The following NBEAL1 variants were observed in gnomAD, a reference collection of about 807,000 sequenced individuals.
The protein encoded by NBEAL1 is neurobeachin-like protein 1.
NBEAL1 carries 273 observed loss-of-function variants against 351.3 expected under a neutral mutation model. That is an observed-to-expected ratio of 0.78 (90% CI 0.70 to 0.86). NBEAL1 has a LOEUF of 0.86. Ranked by LOEUF, NBEAL1 falls within the 40% of genes least tolerant of loss-of-function variation. The probability of loss-of-function intolerance (pLI) is 0.00; values close to 1 mark genes in which losing one functional copy is unlikely to be tolerated. For synonymous variants in NBEAL1, 1,050 were observed against 1,086.4 expected (o/e 0.97, Z 0.66); for missense variants, 2,961 against 3,201.3 (o/e 0.92, Z 1.81).
intron 31 of NBEAL1, among the ~76,000 whole-genome samples, chr2:203,141,928 A>G (rs2063392391): frequency 6.6e-6 from 1 of 152,172 alleles, no homozygotes; most frequent in South Asian, 2.1e-4. Flanking sequence ...CATAAAAACT[A>G]AGATTTCCCA....
At chr2:203,086,630 G>T (rs993903061) in intron 10 of NBEAL1, among the ~76,000 whole-genome samples, 1 of 152,166 alleles carries the variant, frequency 6.6e-6, no homozygotes, top group African/African-American at 2.4e-5. Flanking sequence ...TGCCTCCTGG[G>T]TTCAAGCGAT....
intron 35 of NBEAL1, among the ~76,000 whole-genome samples, chr2:203,152,520 G>A (rs2063685280): frequency 6.6e-6 from 1 of 151,322 alleles, no homozygotes; most frequent in South Asian, 2.1e-4. Flanking sequence ...AACCCGGGAG[G>A]CGGAGGTTGC....
At chr2:203,021,216 A>T (rs910134204) in intron 2 of NBEAL1, among the ~76,000 whole-genome samples, 1 of 151,824 alleles carries the variant, frequency 6.6e-6, no homozygotes, top group Non-Finnish European at 1.5e-5. Flanking sequence ...TCCTGACCTC[A>T]GGCGATCCAC....
chr2:203,151,712 G>A, intron 35 of NBEAL1, 123 bp downstream of exon 35: 1 of 890,288 alleles, frequency 1.1e-6, no homozygotes, highest in Non-Finnish European at 1.5e-6. Flanking sequence ...TTTTATAATT[G>A]ATATTTAAGT....
At position 203,084,502 on chromosome 2, in the gene NBEAL1, T is replaced by C. The variant is rs951956330; in HGVS notation, c.1031T>C (p.Val344Ala). 1 of 1,544,606 alleles carries C rather than the reference T, an allele frequency of 6.5e-7. No individual in the cohort carries two copies. The highest frequency in any genetic ancestry group is 2.4e-5 in the East Asian group (1 of 41,338). Residue 344 changes from valine (V) to alanine (A), a missense_variant, in exon 10 of 56, where the codon GTT becomes GCT. Val to Ala is a moderately conservative substitution (Grantham distance 64). Transcript: ENST00000683969. ...ATGTTAGATTGTACAGATAGACCTG[T>C]TCTTCAGGCCATTTTTCTTAACAGC... is the stretch of plus-strand genomic sequence containing the variant. Reference protein sequence around the residue: ...TAMLDCTDRPVLQAIFLNSNC... With the variant: ...TAMLDCTDRPALQAIFLNSNC...
rs1338054698 is a variant in NBEAL1 at position 203,110,184 on chromosome 2, T to C, written c.1984T>C (p.Phe662Leu). 1 of 1,553,218 alleles carries C rather than the reference T, an allele frequency of 6.4e-7. No individual in the cohort carries two copies. Among genetic ancestry groups the C allele is most frequent in the Non-Finnish European group, 8.7e-7 (1 of 1,147,330 alleles). Residue 662 changes from phenylalanine (F) to leucine (L), a missense_variant, in exon 15 of 56, where the codon TTT becomes CTT. Physicochemically the swap from Phe to Leu is conservative, Grantham distance 22 (BLOSUM62 0). Coordinates refer to ENST00000683969, the MANE Select transcript of NBEAL1 (RefSeq NM_001378026.1). The stretch of plus-strand genomic sequence containing the variant: ...AGGAAGTGGCATGGGTTTTGAAGCC[T>C]TTATTACCCATTCAGGTATGTTGGT... ...FTGSGMGFEA[F>L]ITHSGMLVVA...
intron 36 of NBEAL1, among the ~76,000 whole-genome samples, chr2:203,160,488 T>A (rs2063920240): frequency 6.6e-6 from 1 of 152,192 alleles, no homozygotes. Context: ...AGTTTCCTTT[T>A]GTTCTTTTGA....
intron 44 of NBEAL1, among the ~76,000 whole-genome samples, chr2:203,184,987 T>A (rs1315480087): frequency 6.6e-6 from 1 of 152,080 alleles, no homozygotes; most frequent in Non-Finnish European, 1.5e-5. Flanking sequence ...GGACCAGAGA[T>A]GTACCCAGGA....
intron 6 of NBEAL1, among the ~76,000 whole-genome samples, chr2:203,066,837 C>T (rs1413760241): frequency 1.0e-4 from 15 of 145,892 alleles, no homozygotes; most frequent in African/African-American, 3.6e-4. Context: ...GGCAGAGGCG[C>T]TCCTCACATC....
intron 2 of NBEAL1, chr2:203,040,492 A>C: frequency 2.9e-6 from 2 of 686,050 alleles, no homozygotes; most frequent in East Asian, 3.0e-5. Flanking sequence ...CCAGAACCTA[A>C]AAATGCTGCT....
intron 1 of NBEAL1, 82 bp from the exon 2 acceptor site, chr2:203,016,074 G>A (rs569227027): frequency 2.8e-4 from 62 of 218,506 alleles, no homozygotes; most frequent in Non-Finnish European, 5.3e-4. Context: ...AAGTGAAGAA[G>A]ATACATCTTT....
At chr2:203,055,739 T>C (rs746864871) in intron 4 of NBEAL1, among the ~76,000 whole-genome samples, 47 of 152,216 alleles carry the variant, frequency 3.1e-4, no homozygotes, top group Non-Finnish European at 5.6e-4. Context: ...TTTTTTATTA[T>C]GTCAAGGGAA....
intron 16 of NBEAL1, 48 bp downstream of exon 16, chr2:203,112,146 C>G: frequency 6.6e-7 from 1 of 1,512,400 alleles, no homozygotes; most frequent in Non-Finnish European, 8.8e-7. Flanking sequence ...GTTGAGAATT[C>G]TTGAAATGTT....
chr2:203,164,702 A>T (rs920725359), intron 36 of NBEAL1, among the ~76,000 whole-genome samples: 1 of 152,178 alleles, frequency 6.6e-6, no homozygotes, highest in Non-Finnish European at 1.5e-5. Context: ...TAAAATGGTG[A>T]TACAGAACTT....
chr2:203,196,719 A>G (rs2065251540), intron 47 of NBEAL1, among the ~76,000 whole-genome samples: 1 of 152,252 alleles, frequency 6.6e-6, no homozygotes, highest in Non-Finnish European at 1.5e-5. Context: ...AGTAAATATT[A>G]GGTATCACTT....
intron 12 of NBEAL1, among the ~76,000 whole-genome samples, 192 bp downstream of exon 12, chr2:203,099,904 A>G (rs1356943136): frequency 2.0e-5 from 3 of 152,054 alleles, no homozygotes; most frequent in Admixed American, 2.0e-4. Context: ...CCTTCCTTTC[A>G]TCCTCAAGTA....
chr2:203,122,173 T>G, intron 18 of NBEAL1, 81 bp from the exon 19 acceptor site: 1 of 728,098 alleles, frequency 1.4e-6, no homozygotes, highest in Non-Finnish European at 2.2e-6. Context: ...CCTTTTTGTA[T>G]TATGGTGAAA....
chr2:203,034,457 ATT>A (rs1241543389), intron 2 of NBEAL1, among the ~76,000 whole-genome samples: 9 of 111,920 alleles, frequency 8.0e-5, no homozygotes, highest in Admixed American at 1.9e-4. Flanking sequence ...ACACCCGGCC[ATT>A]TTTTTTTTTT....
At chr2:203,016,985 G>C (rs956869841) in intron 2 of NBEAL1, among the ~76,000 whole-genome samples, 1 of 152,120 alleles carries the variant, frequency 6.6e-6, no homozygotes, top group East Asian at 1.9e-4. Context: ...TGATGCAAGG[G>C]TTACAGGAGT....
Sources: gnomAD v4.1 joint callset for allele counts (sites outside exome capture counted in the v4.1 genomes callset) on GRCh38, gnomAD v4.1.1 for gene constraint, MANE v1.5 for transcripts, NCBI Gene and HGNC (gene_info 2026-07-23, HGNC 2026-07-21) for gene names.